Variants in TTC7B observed in about 807,000 individuals in gnomAD.
The protein encoded by TTC7B is tetratricopeptide repeat domain 7B.
TTC7B carries 28 observed loss-of-function variants against 106.8 expected under a neutral mutation model. The observed-to-expected ratio is 0.26, with a 90% CI of 0.19 to 0.36. The LOEUF is 0.36. Ranked by LOEUF, TTC7B falls within the 10% of genes least tolerant of loss-of-function variation. The probability of loss-of-function intolerance (pLI) is 1.00; values close to 1 mark genes in which losing one functional copy is unlikely to be tolerated. For missense variants in TTC7B, 862 were observed against 1,076.4 expected (o/e 0.80, Z 2.79); for synonymous variants, 405 against 430.6 (o/e 0.94, Z 0.74).
intron 3 of TTC7B, among the ~76,000 whole-genome samples, chr14:90,754,266 T>C (rs1890219784): frequency 6.6e-6 from 1 of 152,206 alleles, no homozygotes; most frequent in Non-Finnish European, 1.5e-5. Context: ...TGAGTTCTCG[T>C]TCTCAGCCTC....
chr14:90,766,446 G>C, intron 3 of TTC7B: 1 of 612,252 alleles, frequency 1.6e-6, no homozygotes, highest in Non-Finnish European at 2.9e-6. Flanking sequence ...AAATTGAAAT[G>C]TCAAAAAGGA....
chr14:90,579,305 G>A (rs1237111776), intron 18 of TTC7B, among the ~76,000 whole-genome samples: 1 of 152,182 alleles, frequency 6.6e-6, no homozygotes, highest in Non-Finnish European at 1.5e-5. Flanking sequence ...CGCTCTGTCG[G>A]GGCTCATGGA....
chr14:90,593,945 T>C (rs1379241739), intron 17 of TTC7B: 1 of 207,632 alleles, frequency 4.8e-6, no homozygotes, highest in Non-Finnish European at 9.5e-6. Flanking sequence ...ATAAATGAAG[T>C]GCTATAAGGG....
intron 19 of TTC7B, among the ~76,000 whole-genome samples, chr14:90,568,896 A>T (rs992839100): frequency 1.3e-5 from 2 of 152,190 alleles, no homozygotes; most frequent in African/African-American, 4.8e-5. Flanking sequence ...ATTATAAGCT[A>T]AAAAAGTGCA....
chr14:90,736,480 G>A (rs1323279107), intron 4 of TTC7B, among the ~76,000 whole-genome samples: 2 of 151,832 alleles, frequency 1.3e-5, no homozygotes, highest in African/African-American at 4.8e-5. Context: ...GCTAAGGCAG[G>A]AGAATCACTT....
intron 9 of TTC7B, among the ~76,000 whole-genome samples, chr14:90,660,417 AAAAAGAAAAG>A (rs568271088): frequency 8.4e-6 from 1 of 119,430 alleles, no homozygotes; most frequent in African/African-American, 3.7e-5. Context: ...AAAAAAAAAA[AAAAAGAAAAG>A]AAAAGAAAAG....
At chr14:90,638,837 AC>A (rs1454189225) in intron 15 of TTC7B, among the ~76,000 whole-genome samples, 1 of 152,260 alleles carries the variant, frequency 6.6e-6, no homozygotes, top group Non-Finnish European at 1.5e-5. Context: ...TATGACAGTG[AC>A]AAGACAGTGG....
At chr14:90,741,758 A>G (rs143325355) in intron 4 of TTC7B, among the ~76,000 whole-genome samples, 2 of 152,362 alleles carry the variant, frequency 1.3e-5, no homozygotes, top group East Asian at 3.9e-4. Context: ...CACCAAGCCC[A>G]TTGGTCACCT....
chr14:90,764,414 G>A (rs912974752), intron 3 of TTC7B, among the ~76,000 whole-genome samples: 4 of 151,592 alleles, frequency 2.6e-5, no homozygotes, highest in African/African-American at 9.7e-5. Flanking sequence ...TGGTTTCTTA[G>A]ATACAAAACC....
intron 19 of TTC7B, among the ~76,000 whole-genome samples, chr14:90,564,399 G>A (rs1890704147): frequency 6.6e-6 from 1 of 152,174 alleles, no homozygotes. Context: ...ACAGAGCACA[G>A]GCAGAGTCAA....
intron 19 of TTC7B, among the ~76,000 whole-genome samples, chr14:90,547,671 A>G (rs1404044468): frequency 2.0e-5 from 3 of 152,152 alleles, no homozygotes; most frequent in East Asian, 3.9e-4. Context: ...GCTGGCGCAC[A>G]TTGTGATCCC....
chr14:90,547,992 T>TG (rs1040858018), intron 19 of TTC7B, among the ~76,000 whole-genome samples: 3 of 151,976 alleles, frequency 2.0e-5, no homozygotes, highest in African/African-American at 7.3e-5. Context: ...CAGCTCTGGG[T>TG]GGGGGTCAGT....
chr14:90,753,170 A>G (rs1234125654), intron 3 of TTC7B, among the ~76,000 whole-genome samples: 1 of 152,256 alleles, frequency 6.6e-6, no homozygotes, highest in Non-Finnish European at 1.5e-5. Flanking sequence ...ATATAATGAC[A>G]TGAACTATGT....
At chr14:90,745,707 CTTT>C (rs530213103) in intron 3 of TTC7B, among the ~76,000 whole-genome samples, 3 of 140,938 alleles carry the variant, frequency 2.1e-5, no homozygotes, top group African/African-American at 2.6e-5. Flanking sequence ...TTTTGTTTTT[CTTT>C]TTTTTTTTTT....
At chr14:90,740,494 CT>C (rs71461924) in intron 4 of TTC7B, among the ~76,000 whole-genome samples, 18,236 of 77,750 alleles carry the variant, frequency 0.23, 594 homozygotes, top group East Asian at 0.38. Context: ...AATTCTTTGA[CT>C]TTTTTTTTTT....
rs767535423 is a variant in TTC7B, at chr14:90,663,656, C to T, written c.1153-5269G>A. ...CCTGTGTTTCCTCTACAGGCAGCAT[C>T]TCTCCCAGTTCCCTCCTAGTTTGGA... is the stretch of plus-strand genomic sequence containing the variant. On this transcript the variant is annotated intron_variant, in intron 9 of 19. Coordinates refer to ENST00000328459, the MANE Select transcript of TTC7B (RefSeq NM_001010854.2). The surrounding 1 kb of genome is among the most constrained non-coding windows in gnomAD (Gnocchi z 4.5). Among the ~76,000 whole-genome samples the T allele has an allele frequency of 2.2e-4, 34 of 152,314 alleles. No individual in the cohort carries two copies. The highest frequency in any genetic ancestry group is 3.4e-3 in the Middle Eastern group (1 of 294).
chr14:90,682,321 G>A (rs998205679), intron 7 of TTC7B, among the ~76,000 whole-genome samples: 8 of 152,224 alleles, frequency 5.3e-5, no homozygotes, highest in East Asian at 1.9e-4. Flanking sequence ...CACATTAACC[G>A]AATCCAGCTC....
At position 90,765,362 on chromosome 14, in the gene TTC7B, A is replaced by G. The variant is rs189184237; in HGVS notation, c.445+15376T>C. 3.7e-3 allele frequency among the ~76,000 whole-genome samples: 557 copies of G among 152,264 alleles called. 4 individuals carry two copies. The highest frequency in any genetic ancestry group is 0.022 in the South Asian group (107 of 4,828). On this transcript the variant is annotated intron_variant, in intron 3 of 19. Transcript: ENST00000328459. ...TAATGGGTAAAGGTTTCTTTTTTGG[A>G]GTAATAAAAATTTTCTGAAATTGAT...
intron 3 of TTC7B, among the ~76,000 whole-genome samples, chr14:90,775,531 G>C (rs554595389): frequency 3.3e-5 from 5 of 152,232 alleles, no homozygotes; most frequent in Non-Finnish European, 7.4e-5. Flanking sequence ...GGGAGGAATG[G>C]AGAAGGTAAA....
Sources: allele counts gnomAD v4.1 joint callset (sites outside exome capture counted in the v4.1 genomes callset), GRCh38; gene constraint gnomAD v4.1.1; non-coding constraint Gnocchi (gnomAD v3.1); transcripts MANE v1.5; gene names NCBI Gene and HGNC (gene_info 2026-07-23, HGNC 2026-07-21).